Variants in SLC22A8 observed in about 807,000 individuals in gnomAD.
SLC22A8 encodes solute carrier family 22 member 8.
Under a neutral mutation model 48.4 loss-of-function variants are expected in SLC22A8, and 40 were observed. The observed-to-expected ratio is 0.83, with a 90% CI of 0.64 to 1.08. The LOEUF (loss-of-function observed/expected upper bound fraction) is 1.08. Ranked by LOEUF, SLC22A8 falls within the 50% of genes least tolerant of loss-of-function variation. SLC22A8 has a pLI of 0.00. For synonymous variants in SLC22A8, 268 were observed against 286.3 expected (o/e 0.94, Z 0.65); for missense variants, 606 against 699.0 (o/e 0.87, Z 1.50).
chr11:63,015,047 A>G (rs2086659646), intron 1 of SLC22A8, 64 bp from the exon 2 acceptor site: 1 of 1,128,700 alleles, frequency 8.9e-7, no homozygotes, highest in East Asian at 2.4e-5. Context: ...GGTCTATGGA[A>G]CGATATGTGG....
chr11:63,010,586 G>T (rs2086607696), intron 2 of SLC22A8, among the ~76,000 whole-genome samples: 1 of 152,196 alleles, frequency 6.6e-6, no homozygotes, highest in South Asian at 2.1e-4. Context: ...AGTGTGGCTG[G>T]CTGGGTCCAG....
rs146442490 is a variant in SLC22A8, at chr11:63,007,571, C to A, written c.334-6748G>T. Reference sequence around the variant, plus strand: ...CAAACTCCTGACCTCAGGTGATCCACCTGCCTCAGCCTCCCAAAATGCTGG... The same window carrying A: ...CAAACTCCTGACCTCAGGTGATCCAACTGCCTCAGCCTCCCAAAATGCTGG... On this transcript the variant is annotated intron_variant, in intron 2 of 10. Coordinates refer to ENST00000336232, the MANE Select transcript of SLC22A8 (RefSeq NM_004254.4). 2.1e-3 allele frequency among the ~76,000 whole-genome samples: 323 copies of A among 152,324 alleles called. 2 individuals are homozygous for A. The highest frequency in any genetic ancestry group is 0.01 in the Middle Eastern group (3 of 294).
intron 4 of SLC22A8, 142 bp downstream of exon 4, chr11:62,999,546 A>T (rs1345678220): frequency 2.0e-5 from 12 of 587,832 alleles, no homozygotes; most frequent in Non-Finnish European, 3.5e-5. Flanking sequence ...AATTTAAGTG[A>T]GGCCTCTGAG....
intron 2 of SLC22A8, 37 bp from the exon 3 acceptor site, chr11:63,000,860 G>T: frequency 6.7e-7 from 1 of 1,498,512 alleles, no homozygotes; most frequent in Non-Finnish European, 9.3e-7. Context: ...CTAACTCAGT[G>T]TAGACAGCCT....
intron 5 of SLC22A8, among the ~76,000 whole-genome samples, chr11:62,996,929 T>C (rs2086428037): frequency 6.6e-6 from 1 of 152,224 alleles, no homozygotes; most frequent in African/African-American, 2.4e-5. Context: ...CTGGATCCGG[T>C]GAGGCCCTCA....
intron 2 of SLC22A8, among the ~76,000 whole-genome samples, chr11:63,012,627 A>G (rs2086632392): frequency 6.6e-6 from 1 of 152,218 alleles, no homozygotes; most frequent in African/African-American, 2.4e-5. Context: ...TACAAAGCGC[A>G]TATTCATTCA....
At chr11:63,015,078 T>C in intron 1 of SLC22A8, 95 bp from the exon 2 acceptor site, 1 of 759,712 alleles carries the variant, frequency 1.3e-6, no homozygotes, top group Non-Finnish European at 2.1e-6. Flanking sequence ...CAGGTGGATA[T>C]GCGAGCACAG....
chr11:62,996,759 C>T (rs2086425780), intron 5 of SLC22A8, among the ~76,000 whole-genome samples: 1 of 152,188 alleles, frequency 6.6e-6, no homozygotes, highest in African/African-American at 2.4e-5. Context: ...TCTCCCTTGC[C>T]CCCAGGCTAT....
chr11:63,001,613 G>C (rs1025738664), intron 2 of SLC22A8, among the ~76,000 whole-genome samples: 7 of 152,266 alleles, frequency 4.6e-5, no homozygotes, highest in African/African-American at 1.7e-4. Context: ...TTCACAGCTC[G>C]TTTCTCTCTG....
intron 2 of SLC22A8, among the ~76,000 whole-genome samples, chr11:63,011,894 C>G (rs1032029782): frequency 2.0e-5 from 3 of 152,176 alleles, no homozygotes; most frequent in African/African-American, 7.2e-5. Flanking sequence ...CTCTTGCTGT[C>G]CTCTCTAGCT....
chr11:63,014,172 G>T (rs1388058872), intron 2 of SLC22A8, among the ~76,000 whole-genome samples: 1 of 152,150 alleles, frequency 6.6e-6, no homozygotes, highest in Non-Finnish European at 1.5e-5. Context: ...AGTTCCAGGG[G>T]CATTTCTGTA....
chr11:63,013,394 A>G (rs1476012419), intron 2 of SLC22A8, among the ~76,000 whole-genome samples: 1 of 152,176 alleles, frequency 6.6e-6, no homozygotes, highest in African/African-American at 2.4e-5. Flanking sequence ...AGGAACCCAC[A>G]GATGTATAGT....
At position 62,992,995 on chromosome 11, in the gene SLC22A8, G is replaced by C; in HGVS notation, c.*242C>G. The C allele has an allele frequency of 1.9e-6, 1 of 533,772 alleles. No individual in the cohort carries two copies. 33.1% of individuals were successfully genotyped at this position (533,772 alleles called of 1,614,324 possible). A position where few individuals can be genotyped will look rare whatever the true frequency, so the allele number is the denominator to read the frequency against. The stretch of plus-strand genomic sequence containing the variant: ...ACAGTGGGGGAAGGTGGCCAGTGGG[G>C]AAGGGCTAGACAGAAGAATGGCAGG... On this transcript the variant is annotated 3_prime_UTR_variant, in exon 11 of 11. Coordinates refer to ENST00000336232, the MANE Select transcript of SLC22A8 (RefSeq NM_004254.4).
chr11:63,011,642 A>G (rs2086620053), intron 2 of SLC22A8, among the ~76,000 whole-genome samples: 1 of 152,168 alleles, frequency 6.6e-6, no homozygotes, highest in Admixed American at 6.5e-5. Context: ...CCTGGTATCT[A>G]TTCTGACTGT....
intron 2 of SLC22A8, among the ~76,000 whole-genome samples, chr11:63,009,496 C>G (rs891232783): frequency 6.6e-6 from 1 of 152,142 alleles, no homozygotes; most frequent in Admixed American, 6.5e-5. Context: ...AGGCCCAGGC[C>G]CTGAGGCCCA....
chr11:63,000,861 T>C, intron 2 of SLC22A8, 38 bp from the exon 3 acceptor site: 2 of 1,498,284 alleles, frequency 1.3e-6, no homozygotes, highest in Non-Finnish European at 1.9e-6. Flanking sequence ...TAACTCAGTG[T>C]AGACAGCCTG....
intron 2 of SLC22A8, among the ~76,000 whole-genome samples, chr11:63,014,020 T>C (rs2086646953): frequency 6.6e-6 from 1 of 152,216 alleles, no homozygotes; most frequent in Admixed American, 6.5e-5. Flanking sequence ...AGACATTTTC[T>C]GGGTCTGCTG....
rs765155147 is a variant in SLC22A8 at position 62,996,116 on chromosome 11, A to G, written c.798T>C (p.Ser266=). The G allele has an allele frequency of 3.5e-5, 56 of 1,613,026 alleles. No individual in the cohort carries two copies. The South Asian group carries it at 5.8e-4, about 17-fold the overall frequency. The part of the protein sequence containing the change: ...TPESIRWLVL[S]GKSSKALKIL... The stretch of plus-strand genomic sequence containing the variant: ...TCTTCAGGGCCTTCGAGGACTTTCC[A>G]GACAAGACCAACCAGCGTATGGACT... Residue 266 remains serine, a synonymous_variant, in exon 6 of 11, where the codon TCT becomes TCC. Coordinates refer to ENST00000336232, the MANE Select transcript of SLC22A8 (RefSeq NM_004254.4).
intron 2 of SLC22A8, among the ~76,000 whole-genome samples, chr11:63,012,625 G>A (rs981731735): frequency 1.1e-4 from 17 of 152,106 alleles, no homozygotes; most frequent in South Asian, 6.2e-4. Context: ...TGTACAAAGC[G>A]CATATTCATT....
Sources: gnomAD v4.1 joint callset for allele counts (sites outside exome capture counted in the v4.1 genomes callset) on GRCh38, gnomAD v4.1.1 for gene constraint, MANE v1.5 for transcripts, NCBI Gene and HGNC (gene_info 2026-07-23, HGNC 2026-07-21) for gene names.